The following EMG1 variants were observed in gnomAD, a reference collection of about 807,000 sequenced individuals.
EMG1 encodes the protein ribosomal RNA small subunit methyltransferase NEP1.
Under a neutral mutation model 26.9 loss-of-function variants are expected in EMG1, and 24 were observed. That is an observed-to-expected ratio of 0.89 (90% confidence interval 0.65 to 1.26). The LOEUF (loss-of-function observed/expected upper bound fraction) is 1.26, where lower values mean the gene tolerates loss of function less well. Ranked by LOEUF, EMG1 falls within the 50% of genes most tolerant of loss-of-function variation. The probability of loss-of-function intolerance (pLI) is 0.00; values close to 1 mark genes in which losing one functional copy is unlikely to be tolerated. For synonymous variants in EMG1, 140 were observed against 112.6 expected (o/e 1.24, Z -1.54); for missense variants, 299 against 307.6 (o/e 0.97, Z 0.21).
downstream of EMG1, among the ~76,000 whole-genome samples, chr12:6,980,369 A>G (rs1946457594): frequency 6.6e-6 from 1 of 151,850 alleles, no homozygotes; most frequent in South Asian, 2.1e-4. Flanking sequence ...AATATTTTTG[A>G]GACAGGATTT....
intron 7 of EMG1, among the ~76,000 whole-genome samples, chr12:6,993,946 C>T (rs1555155792): frequency 1.3e-5 from 2 of 152,172 alleles, no homozygotes; most frequent in African/African-American, 4.8e-5. Flanking sequence ...CATTCATCAG[C>T]TGACAAACAA....
intron 7 of EMG1, among the ~76,000 whole-genome samples, chr12:6,994,876 C>A (rs1161706898): frequency 2.6e-5 from 4 of 152,150 alleles, no homozygotes; most frequent in Non-Finnish European, 4.4e-5. Context: ...ATGTTGCTGA[C>A]CCCCAGGATC....
chr12:6,989,218 G>A (rs782256494), downstream of EMG1, among the ~76,000 whole-genome samples: 66 of 151,970 alleles, frequency 4.3e-4, no homozygotes, highest in African/African-American at 1.5e-3. Flanking sequence ...ATTAGCAGGC[G>A]AAGGATGATG....
Position 6,975,427 on chromosome 12 carries a change from A to G in EMG1, c.621+49A>G, listed in dbSNP as rs781974723. 22 of 1,532,178 alleles carry G rather than the reference A, an allele frequency of 1.4e-5. No individual in the cohort carries two copies. The Admixed American group carries it at 4.5e-4, about 31-fold the overall frequency. The allele number at this position is 1,532,178 out of a possible 1,614,324, so 94.9% of individuals were successfully genotyped here. Reference sequence around the variant, plus strand: ...AATTCTTGGTAGAGCTGAACTTAGTATAGAATTCCCAGAGCAGTAGGCATT... The same window carrying G: ...AATTCTTGGTAGAGCTGAACTTAGTGTAGAATTCCCAGAGCAGTAGGCATT... On this transcript the variant is annotated intron_variant, in intron 5 of 5. Transcript: ENST00000599672.
At chr12:6,997,203 T>A (rs181461898) in intron 7 of EMG1, 37 of 152,288 alleles carry the variant, frequency 2.4e-4, no homozygotes, top group African/African-American at 8.9e-4. Flanking sequence ...TATTTCTTTA[T>A]TTTTTTATTT....
In EMG1 at chr12:6,978,389, G is replaced by T. The variant is rs200922476; in HGVS notation, c.*2580G>T. 1 of 1,613,926 alleles carries T rather than the reference G, an allele frequency of 6.2e-7. No individual in the cohort carries two copies. Among genetic ancestry groups the T allele is most frequent in the Non-Finnish European group, 8.5e-7 (1 of 1,179,952 alleles). On this transcript the variant is annotated 3_prime_UTR_variant, in exon 6 of 6. Coordinates refer to ENST00000599672, the MANE Select transcript of EMG1 (RefSeq NM_006331.8). ...GATGTTGAATGAGGCAATGGTGCCA[G>T]TGAAGCGGGGGTTTGTTTCAAAGAG...
chr12:6,984,656 C>T (rs1565599317), downstream of EMG1, among the ~76,000 whole-genome samples: 1 of 152,166 alleles, frequency 6.6e-6, no homozygotes, highest in Non-Finnish European at 1.5e-5. Context: ...GCACGATCAT[C>T]GCTCACTGCA....
chr12:6,975,645 GA>G (rs782341707), intron 5 of EMG1, 50 bp from the exon 6 acceptor site: 4 of 1,281,078 alleles, frequency 3.1e-6, no homozygotes, highest in Non-Finnish European at 4.6e-6. Flanking sequence ...AAGAAGGGCT[GA>G]AACAGCTACT....
chr12:6,994,427 C>T (rs948316956), intron 7 of EMG1, among the ~76,000 whole-genome samples: 1 of 152,046 alleles, frequency 6.6e-6, no homozygotes, highest in Admixed American at 6.6e-5. Flanking sequence ...AGGCTAGTCT[C>T]GAACTCCTGA....
At chr12:6,981,128 G>A (rs782449115), downstream of EMG1, 4 of 1,613,810 alleles carry the variant, frequency 2.5e-6, no homozygotes, top group Non-Finnish European at 3.4e-6. Flanking sequence ...GCAACTTCCA[G>A]CAGGGAAGGA....
At chr12:6,971,181 G>A (rs1946321863) in intron 1 of EMG1, 90 bp downstream of exon 1, 1 of 1,088,662 alleles carries the variant, frequency 9.2e-7, no homozygotes, top group Non-Finnish European at 1.4e-6. Context: ...GATGTAGAAA[G>A]CAGAGAGGGG....
In EMG1 at chr12:6,974,456, G is replaced by C; in HGVS notation, c.270+16G>C. Reference sequence around the variant, plus strand: ...CACCCACCAGGTAACTCCAGGGACAGTGCTCACAACCCTTTGAGCCTCTGT... The same window carrying C: ...CACCCACCAGGTAACTCCAGGGACACTGCTCACAACCCTTTGAGCCTCTGT... On this transcript the variant is annotated intron_variant, in intron 2 of 5. Coordinates refer to ENST00000599672, the MANE Select transcript of EMG1 (RefSeq NM_006331.8). 1 of 1,611,110 alleles carries C rather than the reference G, an allele frequency of 6.2e-7. No individual in the cohort carries two copies. The highest frequency in any genetic ancestry group is 8.5e-7 in the Non-Finnish European group (1 of 1,177,438).
Position 6,977,735 on chromosome 12 carries a change from T to C in EMG1, c.*1926T>C. On this transcript the variant is annotated 3_prime_UTR_variant, in exon 6 of 6. Coordinates refer to ENST00000599672, the MANE Select transcript of EMG1 (RefSeq NM_006331.8). This position sits in a 1 kb window ranked among gnomAD's most constrained non-coding sequence, Gnocchi z 4.5. Reference sequence around the variant, plus strand: ...TTATTTCCAAGGAACTTGAGTCGTTTGAAGATGTAGCTGGAGAAAAGGGTG... The same window carrying C: ...TTATTTCCAAGGAACTTGAGTCGTTCGAAGATGTAGCTGGAGAAAAGGGTG... 6.2e-7 allele frequency: 1 copy of C among 1,614,050 alleles called. No homozygotes were observed. Among genetic ancestry groups the C allele is most frequent in the Non-Finnish European group, 8.5e-7 (1 of 1,180,006 alleles).
chr12:6,973,178 GTCTT>G (rs1469334318), intron 1 of EMG1, among the ~76,000 whole-genome samples: 5 of 151,146 alleles, frequency 3.3e-5, no homozygotes, highest in South Asian at 4.2e-4. Context: ...GCTCATGCCA[GTCTT>G]TCTTTTTTCT....
At chr12:6,983,223 C>T, downstream of EMG1, 1 of 494,870 alleles carries the variant, frequency 2.0e-6, no homozygotes, top group Non-Finnish European at 3.6e-6. Context: ...CAAGGGTAAC[C>T]ACCCTCAAAA....
At chr12:6,984,234 T>C (rs782725816), downstream of EMG1, among the ~76,000 whole-genome samples, 4 of 152,228 alleles carry the variant, frequency 2.6e-5, no homozygotes, top group Non-Finnish European at 4.4e-5. Context: ...AAATGTCTTC[T>C]AAAGCCATGA....
downstream of EMG1, among the ~76,000 whole-genome samples, chr12:6,992,419 C>T (rs1198752655): frequency 6.6e-6 from 1 of 151,978 alleles, no homozygotes; most frequent in Non-Finnish European, 1.5e-5. Flanking sequence ...GTAAAGAATG[C>T]AGTGACCACT....
In EMG1 at chr12:6,977,769, G is replaced by A. The variant is rs781793429; in HGVS notation, c.*1960G>A. On this transcript the variant is annotated 3_prime_UTR_variant, in exon 6 of 6. Coordinates refer to ENST00000599672, the MANE Select transcript of EMG1 (RefSeq NM_006331.8). The surrounding 1 kb of genome is among the most constrained non-coding windows in gnomAD (Gnocchi z 4.5). Reference sequence around the variant, plus strand: ...AGCTGGAGAAAAGGGTGGGTGGGGCGACCCTCAAACTGACTGGTCCTTGCA... The same window carrying A: ...AGCTGGAGAAAAGGGTGGGTGGGGCAACCCTCAAACTGACTGGTCCTTGCA... 1.3e-4 allele frequency: 202 copies of A among 1,613,240 alleles called. 1 individual carries two copies. The East Asian group carries it at 4.1e-3, about 33-fold the overall frequency.
rs1388392001 is a variant in EMG1, at chr12:6,977,947, C to T, written c.*2138C>T. 1.2e-5 allele frequency: 7 copies of T among 607,882 alleles called. No individual in the cohort carries two copies. Among genetic ancestry groups the T allele is most frequent in the South Asian group, 3.9e-5 (2 of 51,082 alleles). 37.7% of individuals were successfully genotyped at this position (607,882 alleles called of 1,614,324 possible). On this transcript the variant is annotated 3_prime_UTR_variant, in exon 6 of 6. Coordinates refer to ENST00000599672, the MANE Select transcript of EMG1 (RefSeq NM_006331.8). This position sits in a 1 kb window ranked among gnomAD's most constrained non-coding sequence, Gnocchi z 4.5. Reference sequence around the variant, plus strand: ...CCAAGGCGGAGCTGGAGACCGTGTGCGCACGAGCCACTTGGTTCAGCAGCA... The same window carrying T: ...CCAAGGCGGAGCTGGAGACCGTGTGTGCACGAGCCACTTGGTTCAGCAGCA...
Sources: gnomAD v4.1 joint callset for allele counts (sites outside exome capture counted in the v4.1 genomes callset) on GRCh38, gnomAD v4.1.1 for gene constraint, Gnocchi (gnomAD v3.1) non-coding constraint, MANE v1.5 for transcripts, NCBI Gene and HGNC (gene_info 2026-07-23, HGNC 2026-07-21) for gene names.